Variants in CCDC33 observed in about 807,000 individuals in gnomAD.
CCDC33 encodes the protein coiled-coil domain containing 33.
CCDC33 carries 94 observed loss-of-function variants against 91.9 expected under a neutral mutation model. The ratio of observed to expected loss-of-function variants is 1.02; its 90% CI spans 0.87 to 1.21. CCDC33 has a LOEUF of 1.21. CCDC33 is among the 50% of genes most tolerant of loss of function. CCDC33 has a pLI of 0.00. For synonymous variants in CCDC33, 396 were observed against 374.5 expected (o/e 1.06, Z -0.66); for missense variants, 940 against 935.5 (o/e 1.00, Z -0.06).
chr15:74,308,404 C>T (rs940717661), intron 11 of CCDC33, among the ~76,000 whole-genome samples: 1 of 132,626 alleles, frequency 7.5e-6, no homozygotes, highest in African/African-American at 2.7e-5. Flanking sequence ...GCTAAATATC[C>T]AATCAAGTCC....
intron 8 of CCDC33, among the ~76,000 whole-genome samples, chr15:74,280,330 G>A (rs754465561): frequency 6.6e-6 from 1 of 152,222 alleles, no homozygotes; most frequent in Non-Finnish European, 1.5e-5. Context: ...GCACCCATCA[G>A]TGATGGGGGA....
Position 74,236,501 on chromosome 15 carries a change from C to T in CCDC33, c.-219C>T. ...GCTGCTGAGAGATCCAGGACCTGCT[C>T]CCACCTGGCCACCCTCCCCCTCCCC... On this transcript the variant is annotated 5_prime_UTR_variant, in exon 1 of 19. Coordinates refer to ENST00000398814, the MANE Select transcript of CCDC33 (RefSeq NM_025055.5). 2.2e-6 allele frequency: 1 copy of T among 457,834 alleles called. No homozygotes were observed. Among genetic ancestry groups the T allele is most frequent in the Non-Finnish European group, 3.9e-6 (1 of 258,138 alleles). The allele number at this position is 457,834 out of a possible 1,614,324, so 28.4% of individuals were successfully genotyped here.
intron 5 of CCDC33, among the ~76,000 whole-genome samples, chr15:74,271,495 G>T (rs929013292): frequency 6.6e-6 from 1 of 152,200 alleles, no homozygotes; most frequent in Admixed American, 6.5e-5. Flanking sequence ...AGTTGCCTCA[G>T]CTCGGCAGAG....
intron 1 of CCDC33, among the ~76,000 whole-genome samples, chr15:74,205,420 C>A (rs1351740524): frequency 1.3e-5 from 2 of 152,094 alleles, no homozygotes; most frequent in Non-Finnish European, 2.9e-5. Flanking sequence ...GGACACTTGG[C>A]AAGAGAGGGA....
chr15:74,276,168 C>A (rs1275153839), intron 7 of CCDC33, among the ~76,000 whole-genome samples: 1 of 152,206 alleles, frequency 6.6e-6, no homozygotes, highest in African/African-American at 2.4e-5. Flanking sequence ...CACCCGAACC[C>A]AAGGGCCATC....
chr15:74,281,694 C>T (rs2059367087), intron 9 of CCDC33, 84 bp from the exon 10 acceptor site: 4 of 1,262,126 alleles, frequency 3.2e-6, no homozygotes, highest in Non-Finnish European at 3.4e-6. Flanking sequence ...GTGACACCTT[C>T]CAGAGAAATC....
chr15:74,264,391 A>G (rs1336799730), intron 3 of CCDC33, among the ~76,000 whole-genome samples: 2 of 152,114 alleles, frequency 1.3e-5, no homozygotes, highest in Non-Finnish European at 2.9e-5. Flanking sequence ...CCAGAGAGGA[A>G]GCTGATGAAG....
At chr15:74,329,583 A>T (rs2060383607) in intron 11 of CCDC33, among the ~76,000 whole-genome samples, 1 of 151,958 alleles carries the variant, frequency 6.6e-6, no homozygotes, top group Non-Finnish European at 1.5e-5. Flanking sequence ...CTCATGGCTG[A>T]CTCCAGCCCC....
At position 74,218,879 on chromosome 15, in the gene CCDC33, C is replaced by T. The variant is rs1221468983; in HGVS notation, c.675+18C>T. On this transcript the variant is annotated intron_variant, in intron 2 of 2. Coordinates refer to the CCDC33 transcript ENST00000635913. This position sits in a 1 kb window ranked among gnomAD's most constrained non-coding sequence, Gnocchi z 4.8. ...TACTGCAGGTGGGTGCTTCCCTGGT[C>T]CCAGTTCAGGTTCTGGGCTCACCGG... 8 of 1,212,036 alleles carry T rather than the reference C, an allele frequency of 6.6e-6. No individual in the cohort carries two copies. In the East Asian group the frequency reaches 4.6e-4, roughly 70 times the overall value. 75.1% of individuals were successfully genotyped at this position (1,212,036 alleles called of 1,614,324 possible).
At chr15:74,292,285 C>T (rs183478699) in intron 10 of CCDC33, among the ~76,000 whole-genome samples, 17 of 152,322 alleles carry the variant, frequency 1.1e-4, no homozygotes, top group African/African-American at 3.8e-4. Flanking sequence ...CACCCTGACT[C>T]ACCATCTCCT....
At chr15:74,314,695 G>C (rs2060057473) in intron 11 of CCDC33, among the ~76,000 whole-genome samples, 1 of 152,226 alleles carries the variant, frequency 6.6e-6, no homozygotes, top group Admixed American at 6.5e-5. Flanking sequence ...CTGGGGTGGG[G>C]ATTTGGGGGT....
chr15:74,239,831 G>C (rs1283044764), intron 1 of CCDC33, among the ~76,000 whole-genome samples: 1 of 100 alleles, frequency 0.01, no homozygotes, highest in Non-Finnish European at 0.019. Context: ...GAGAGTTACG[G>C]GGGGGGTACC....
intron 1 of CCDC33, among the ~76,000 whole-genome samples, chr15:74,206,004 T>C (rs547255511): frequency 6.6e-6 from 1 of 152,320 alleles, no homozygotes; most frequent in African/African-American, 2.4e-5. Context: ...CCTAGCCGGA[T>C]TTGAACCCTG....
chr15:74,229,517 A>G lies in CCDC33; in HGVS notation c.675+10656A>G, dbSNP rs554965529. Among the ~76,000 whole-genome samples, 133 of 152,336 alleles carry G rather than the reference A, an allele frequency of 8.7e-4. No homozygotes were observed. The South Asian group carries it at 0.025, about 28-fold the overall frequency. ...AAAAAAATAGAAATAAAAATAAAAT[A>G]AAGTGGGGACAATAGTAGCACCTAC... is the stretch of plus-strand genomic sequence containing the variant. On this transcript the variant is annotated intron_variant, in intron 2 of 2. Transcript: ENST00000635913.
chr15:74,222,800 G>A (rs973032117), intron 2 of CCDC33, among the ~76,000 whole-genome samples: 2 of 9,174 alleles, frequency 2.2e-4, no homozygotes, highest in East Asian at 3.2e-3. Flanking sequence ...CCACTCCCCC[G>A]ACCCCCGCCG....
Position 74,217,335 on chromosome 15 carries a change from G to A in CCDC33, c.64G>A (p.Glu22Lys), listed in dbSNP as rs561548121. The change falls in exon 1 of 3, where the codon GAG becomes AAG. Residue 22 changes from glutamate to lysine, a missense_variant. Glu to Lys is a moderately conservative substitution (Grantham distance 56). Transcript: ENST00000635913. ...CCTGCTGAGACAGAGGCTGAAGGCC[G>A]AGGAGAAGACGCTGGATCTGGAGTT... 6.5e-5 allele frequency: 84 copies of A among 1,289,974 alleles called. No homozygotes were observed. In the Middle Eastern group the frequency reaches 1.1e-3, roughly 16 times the overall value. The allele number at this position is 1,289,974 out of a possible 1,614,324, so 79.9% of individuals were successfully genotyped here.
intron 11 of CCDC33, among the ~76,000 whole-genome samples, chr15:74,328,986 C>G (rs1408776140): frequency 6.6e-6 from 1 of 152,180 alleles, no homozygotes; most frequent in African/African-American, 2.4e-5. Context: ...TTCCTCCATC[C>G]AGACCTCTCT....
intron 7 of CCDC33, among the ~76,000 whole-genome samples, chr15:74,279,625 C>A (rs1236195904): frequency 6.6e-6 from 1 of 152,050 alleles, no homozygotes; most frequent in African/African-American, 2.4e-5. Context: ...AACCTCTGCC[C>A]CCCCGGGTTC....
chr15:74,232,733 G>T (rs2142205717), upstream of CCDC33, among the ~76,000 whole-genome samples: 1 of 152,356 alleles, frequency 6.6e-6, no homozygotes, highest in South Asian at 2.1e-4. Flanking sequence ...AATCAGGACT[G>T]CTCTGAGGGC....
Sources: gnomAD v4.1 joint callset for allele counts (sites outside exome capture counted in the v4.1 genomes callset) on GRCh38, gnomAD v4.1.1 for gene constraint, Gnocchi (gnomAD v3.1) non-coding constraint, MANE v1.5 for transcripts, NCBI Gene and HGNC (gene_info 2026-07-23, HGNC 2026-07-21) for gene names.